HECW1: variants seen among roughly 807,000 people sequenced by gnomAD.
HECW1 encodes HECT, C2 and WW domain containing E3 ubiquitin protein ligase 1.
A neutral mutation model predicts 182.3 loss-of-function variants in HECW1; 61 were observed. The ratio of observed to expected loss-of-function variants is 0.33; its 90% CI spans 0.27 to 0.41. The LOEUF (loss-of-function observed/expected upper bound fraction) is 0.41. Ranked by LOEUF, HECW1 falls within the 10% of genes least tolerant of loss-of-function variation. The pLI is 1.00. For missense variants in HECW1, 1,739 were observed against 2,108.9 expected, an observed-to-expected ratio of 0.82 and a Z score of 3.44; for synonymous variants, 859 against 832.6, an observed-to-expected ratio of 1.03 and a Z score of -0.55.
At chr7:43,449,858 T>C (rs1226154874) in intron 11 of HECW1, among the ~76,000 whole-genome samples, 1 of 152,204 alleles carries the variant, frequency 6.6e-6, no homozygotes. Flanking sequence ...GGCCTCTGAT[T>C]ATGTGACCCA....
At chr7:43,253,659 T>C (rs1315791776) in intron 3 of HECW1, among the ~76,000 whole-genome samples, 4 of 152,152 alleles carry the variant, frequency 2.6e-5, no homozygotes, top group African/African-American at 7.2e-5. Context: ...GAGATGTGCA[T>C]TGGGAGGCCG....
intron 6 of HECW1, among the ~76,000 whole-genome samples, chr7:43,373,516 TA>T (rs2074201789): frequency 6.6e-6 from 1 of 152,194 alleles, no homozygotes; most frequent in South Asian, 2.1e-4. Context: ...CTGTTTTTTT[TA>T]AACTTATTTT....
At position 43,353,469 on chromosome 7, in the gene HECW1, T is replaced by TCCC. The variant is rs754123152; in HGVS notation, c.461-7413_461-7411dup. On this transcript the variant is annotated intron_variant, in intron 5 of 29. Coordinates refer to ENST00000395891, the MANE Select transcript of HECW1 (RefSeq NM_015052.5). ...AGTATAGAGGCAAGATGGCTTCACT[T>TCCC]CCCCCCACAGAAAATTTAAAACAAT... 2.0e-5 allele frequency among the ~76,000 whole-genome samples: 3 copies of TCCC among 151,570 alleles called. No homozygotes were observed. The East Asian group carries it at 5.8e-4, about 29-fold the overall frequency.
chr7:43,524,220 G>A (rs190336774), intron 24 of HECW1, among the ~76,000 whole-genome samples: 153 of 152,298 alleles, frequency 1.0e-3, no homozygotes, highest in Non-Finnish European at 1.6e-3. Context: ...AGCGTCAAGA[G>A]TCTTTCAAAG....
At chr7:43,313,432 G>T (rs1056012331) in intron 4 of HECW1, among the ~76,000 whole-genome samples, 1 of 151,308 alleles carries the variant, frequency 6.6e-6, no homozygotes, top group Non-Finnish European at 1.5e-5. Context: ...CTGCCTCCCG[G>T]GTTCAAGTGA....
At chr7:43,489,493 A>C (rs1324834327) in intron 17 of HECW1, among the ~76,000 whole-genome samples, 3 of 152,214 alleles carry the variant, frequency 2.0e-5, no homozygotes, top group African/African-American at 7.2e-5. Context: ...GCTGCTGCAG[A>C]AATACCAGCT....
chr7:43,516,163 C>T (rs915434780), intron 24 of HECW1, among the ~76,000 whole-genome samples: 1 of 152,016 alleles, frequency 6.6e-6, no homozygotes, highest in African/African-American at 2.4e-5. Context: ...TCGTTTCTTC[C>T]CGAAAATGTA....
intron 2 of HECW1, among the ~76,000 whole-genome samples, chr7:43,119,442 T>A (rs1244988445): frequency 6.6e-6 from 1 of 152,212 alleles, no homozygotes; most frequent in East Asian, 1.9e-4. Context: ...TTTATCCCGA[T>A]TGATCTCAAC....
chr7:43,249,664 G>A lies in HECW1; in HGVS notation c.27+5732G>A, dbSNP rs138425601. 2.4e-3 allele frequency among the ~76,000 whole-genome samples: 362 copies of A among 152,220 alleles called. 1 individual carries two copies. Among genetic ancestry groups the A allele is most frequent in the Non-Finnish European group, 3.6e-3 (244 of 68,006 alleles). Reference sequence around the variant, plus strand: ...TAGCTATTTTCTTCAGGCAGCATGTGGCCAAAAAACATGCGTGTGTAGCTG... The same window carrying A: ...TAGCTATTTTCTTCAGGCAGCATGTAGCCAAAAAACATGCGTGTGTAGCTG... On this transcript the variant is annotated intron_variant, in intron 3 of 29. Transcript: ENST00000395891.
chr7:43,488,200 C>T (rs1335355850), intron 17 of HECW1, among the ~76,000 whole-genome samples: 1 of 151,730 alleles, frequency 6.6e-6, no homozygotes, highest in Non-Finnish European at 1.5e-5. Context: ...ATCCCAACTA[C>T]TCGGGAGGCT....
At chr7:43,351,390 T>C (rs1018245953) in intron 5 of HECW1, among the ~76,000 whole-genome samples, 3 of 152,156 alleles carry the variant, frequency 2.0e-5, no homozygotes, top group Non-Finnish European at 2.9e-5. Context: ...TGTAGTAGTA[T>C]GCAGAGGGAC....
In HECW1 at chr7:43,463,612, A is replaced by G. The variant is rs766272980; in HGVS notation, c.2652-48A>G. On this transcript the variant is annotated intron_variant, in intron 13 of 29. Transcript: ENST00000395891. Reference sequence around the variant, plus strand: ...ATCTGATTCAGAGTTTTGGCCCCCAAGGAGCAAACCAAAGTTAACTCCTGT... The same window carrying G: ...ATCTGATTCAGAGTTTTGGCCCCCAGGGAGCAAACCAAAGTTAACTCCTGT... The G allele has an allele frequency of 6.3e-6, 10 of 1,584,862 alleles. No homozygotes were observed. In the African/African-American group the frequency reaches 1.1e-4, roughly 17 times the overall value.
chr7:43,512,911 T>G (rs987632310), intron 24 of HECW1, among the ~76,000 whole-genome samples: 2 of 152,212 alleles, frequency 1.3e-5, no homozygotes, highest in Non-Finnish European at 2.9e-5. Context: ...TTTATCTTTT[T>G]TTGTTGTTGT....
At chr7:43,139,822 T>C (rs1787971879) in intron 2 of HECW1, among the ~76,000 whole-genome samples, 1 of 152,168 alleles carries the variant, frequency 6.6e-6, no homozygotes, top group Admixed American at 6.5e-5. Flanking sequence ...AAGGGCAAAT[T>C]TGGGGATCAG....
intron 16 of HECW1, among the ~76,000 whole-genome samples, chr7:43,476,121 A>G (rs1465435749): frequency 6.6e-6 from 1 of 152,212 alleles, no homozygotes; most frequent in Non-Finnish European, 1.5e-5. Flanking sequence ...ATGATTTGCA[A>G]TTAAAAATCC....
At chr7:43,332,646 C>T (rs896631551) in intron 5 of HECW1, among the ~76,000 whole-genome samples, 3 of 152,180 alleles carry the variant, frequency 2.0e-5, no homozygotes, top group Admixed American at 1.3e-4. Flanking sequence ...AAGGCGGCTG[C>T]GGTCACTTCA....
In HECW1 at chr7:43,320,740, A is replaced by C. The variant is rs774479392; in HGVS notation, c.458A>C (p.Glu153Ala). The part of the protein sequence containing the change: ...WKIDASSYFV[E>A]PETKICFKYY... ...ATCGATGCCAGCTCGTACTTTGTGGAACGTGAGTACCTTTACCATTCTTGT... is the reference window on the plus strand; with the variant it reads ...ATCGATGCCAGCTCGTACTTTGTGGCACGTGAGTACCTTTACCATTCTTGT... Residue 153 changes from glutamate (E) to alanine (A), a missense_variant and splice_region_variant, in exon 5 of 30, where the codon GAA becomes GCA. Physicochemically the swap from Glu to Ala is moderately radical, Grantham distance 107. Transcript: ENST00000395891. 7.5e-6 allele frequency: 12 copies of C among 1,607,074 alleles called. No homozygotes were observed. Among genetic ancestry groups the C allele is most frequent in the African/African-American group, 2.7e-5 (2 of 74,782 alleles).
intron 2 of HECW1, among the ~76,000 whole-genome samples, chr7:43,203,767 CT>C (rs1204468525): frequency 2.0e-5 from 3 of 152,210 alleles, no homozygotes; most frequent in Non-Finnish European, 4.4e-5. Flanking sequence ...AGCCACATCA[CT>C]TTTTAATGGG....
In HECW1 at chr7:43,309,323, G is replaced by A. The variant is rs112775157; in HGVS notation, c.28-2440G>A. ...TGGGAGAGGGTGGGGTGCAAGGGAC[G>A]GCTTTGAGGCTGCCCTGCTTACCCC... On this transcript the variant is annotated intron_variant, in intron 3 of 29. Transcript: ENST00000395891. Among the ~76,000 whole-genome samples the A allele has an allele frequency of 6.4e-4, 97 of 152,242 alleles. 2 individuals are homozygous for A. The highest frequency in any genetic ancestry group is 2.2e-3 in the African/African-American group (93 of 41,532).
Sources: gnomAD v4.1 joint callset for allele counts (sites outside exome capture counted in the v4.1 genomes callset) on GRCh38, gnomAD v4.1.1 for gene constraint, MANE v1.5 for transcripts, NCBI Gene and HGNC (gene_info 2026-07-23, HGNC 2026-07-21) for gene names.